The following GALNT6 variants were observed in gnomAD, a reference collection of about 807,000 sequenced individuals.
GALNT6 encodes polypeptide N-acetylgalactosaminyltransferase 6, also known as GalNAc transferase 6.
A neutral mutation model predicts 65.9 loss-of-function variants in GALNT6; 51 were observed. The observed-to-expected ratio is 0.77, with a 90% CI of 0.62 to 0.98. GALNT6 has a LOEUF of 0.98. Among genes scored for constraint, GALNT6 ranks in the 50% least tolerant of loss-of-function variants. The pLI is 0.00. For synonymous variants in GALNT6, 323 were observed against 315.1 expected (o/e 1.02, Z -0.26); for missense variants, 708 against 803.3 (o/e 0.88, Z 1.43).
intron 4 of GALNT6, among the ~76,000 whole-genome samples, chr12:51,375,271 C>T (rs1485109213): frequency 6.6e-6 from 1 of 152,154 alleles, no homozygotes; most frequent in Non-Finnish European, 1.5e-5. Context: ...TAGGACTGTG[C>T]TTATGCCATT....
chr12:51,377,164 G>A (rs372701644), intron 4 of GALNT6, 31 bp downstream of exon 4: 16 of 1,604,698 alleles, frequency 1.0e-5, no homozygotes, highest in African/African-American at 5.4e-5. Flanking sequence ...GGGAGACCCC[G>A]GCCCCCTCCT....
rs11341 is a variant in GALNT6, at chr12:51,352,038, T to G, written c.*2341A>C. On this transcript the variant is annotated 3_prime_UTR_variant, in exon 12 of 12. Transcript: ENST00000356317. The stretch of plus-strand genomic sequence containing the variant: ...AGGCTCCAGAAGGCTCTCAGGGATG[T>G]AGGCGGCCTCCCGCAGGGTTGAGTT... 2.6e-5 allele frequency: 4 copies of G among 152,144 alleles called. No homozygotes were observed. Among genetic ancestry groups the G allele is most frequent in the Non-Finnish European group, 5.9e-5 (4 of 68,070 alleles). The allele number at this position is 152,144 out of a possible 1,614,324, so 9.4% of individuals were successfully genotyped here. A position where few individuals can be genotyped will look rare whatever the true frequency, so the allele number is the denominator to read the frequency against.
intron 10 of GALNT6, among the ~76,000 whole-genome samples, chr12:51,356,901 C>G (rs759977997): frequency 6.6e-6 from 1 of 152,186 alleles, no homozygotes; most frequent in Non-Finnish European, 1.5e-5. Context: ...CACACCACTC[C>G]TTTCCCCACT....
At chr12:51,390,369 G>A (rs1486069995) in intron 2 of GALNT6, among the ~76,000 whole-genome samples, 8 of 151,880 alleles carry the variant, frequency 5.3e-5, no homozygotes, top group African/African-American at 1.5e-4. Flanking sequence ...TTGCCATGTT[G>A]GCCAGGCTGG....
intron 3 of GALNT6, among the ~76,000 whole-genome samples, chr12:51,379,079 G>T (rs1256588454): frequency 6.6e-6 from 1 of 152,190 alleles, no homozygotes; most frequent in Non-Finnish European, 1.5e-5. Flanking sequence ...GGTCTCCCTG[G>T]GCCTCTGGCC....
chr12:51,355,758 C>T (rs1325167454), intron 11 of GALNT6, 48 bp downstream of exon 11: 28 of 1,589,456 alleles, frequency 1.8e-5, no homozygotes, highest in Non-Finnish European at 2.2e-5. Context: ...TGAGCCACCA[C>T]ACCTGGCCTC....
In GALNT6 at chr12:51,357,379, C is replaced by A; in HGVS notation, c.1572G>T (p.Met524Ile). ...TGCCGCCAAGGCCGTGGCAGGAGTA[C>A]ATGATGAGGGGCTTCCCCCCGCGGT... is the stretch of plus-strand genomic sequence containing the variant. ...ENNRGGKPLI[M>I]YSCHGLGGNQ... Residue 524 changes from methionine (M) to isoleucine (I), a missense_variant, in exon 10 of 12, where the codon ATG becomes ATT. By Grantham distance (10) the Met-to-Ile change is conservative. Coordinates refer to ENST00000356317, the MANE Select transcript of GALNT6 (RefSeq NM_007210.4). 1 of 1,613,878 alleles carries A rather than the reference C, an allele frequency of 6.2e-7. No individual in the cohort carries two copies. The highest frequency in any genetic ancestry group is 8.5e-7 in the Non-Finnish European group (1 of 1,179,774).
In GALNT6 at chr12:51,365,413, G is replaced by C; in HGVS notation, c.814+17C>G. 1 of 1,600,606 alleles carries C rather than the reference G, an allele frequency of 6.2e-7. No individual in the cohort carries two copies. Among genetic ancestry groups the C allele is most frequent in the Non-Finnish European group, 8.5e-7 (1 of 1,171,894 alleles). ...GGAGCCTCCAGGTTACACCCAGGCC[G>C]GTGCCCTGGTACTCACAGTGGGCAT... On this transcript the variant is annotated intron_variant, in intron 5 of 11. Coordinates refer to ENST00000356317, the MANE Select transcript of GALNT6 (RefSeq NM_007210.4).
chr12:51,372,273 A>G (rs1036491435), intron 4 of GALNT6, among the ~76,000 whole-genome samples: 12 of 152,140 alleles, frequency 7.9e-5, no homozygotes, highest in Admixed American at 5.2e-4. Context: ...CAGTGGCATG[A>G]TCAGGGCTCA....
chr12:51,379,798 G>T lies in GALNT6; in HGVS notation c.-17C>A, dbSNP rs1483345048. ...GAGCCTCATCCTCCAGAACCAAGGG[G>T]CACCCCAGCTGCGTCAGCTCTGAGT... On this transcript the variant is annotated 5_prime_UTR_variant, in exon 3 of 12. An upstream open reading frame in the 5' UTR gains an earlier in-frame stop. Coordinates refer to ENST00000356317, the MANE Select transcript of GALNT6 (RefSeq NM_007210.4). 2.5e-6 allele frequency: 4 copies of T among 1,590,778 alleles called. No homozygotes were observed. The Admixed American group carries it at 6.8e-5, about 27-fold the overall frequency.
chr12:51,368,017 A>AT lies in GALNT6; in HGVS notation c.665-2439dup, dbSNP rs200864181. Among the ~76,000 whole-genome samples the AT allele has an allele frequency of 4.6e-3, 665 of 146,130 alleles. 3 individuals are homozygous for AT. The highest frequency in any genetic ancestry group is 0.01 in the African/African-American group (421 of 40,140). ...CCTCCAGGGGAAGTGAGGCCATGGA[A>AT]TTTTTTTTTTTTTTAATTTTTTAAT... On this transcript the variant is annotated intron_variant, in intron 4 of 11. Coordinates refer to ENST00000356317, the MANE Select transcript of GALNT6 (RefSeq NM_007210.4).
chr12:51,359,280 T>A lies in GALNT6; in HGVS notation c.1220A>T (p.His407Leu). 1.2e-6 allele frequency: 2 copies of A among 1,614,050 alleles called. No individual in the cohort carries two copies. Among genetic ancestry groups the A allele is most frequent in the Non-Finnish European group, 1.7e-6 (2 of 1,179,966 alleles). Residue 407 changes from histidine (H) to leucine (L), a missense_variant, in exon 8 of 12, where the codon CAT becomes CTT. Transcript: ENST00000356317. ...LEIIPCSVVG[H>L]VFRTKSPHTF... ...GTGGGGGCTCTTGGTCCGGAACACATGGCCTACGACAGAGCAGGGGATGAT... is the reference window on the plus strand; with the variant it reads ...GTGGGGGCTCTTGGTCCGGAACACAAGGCCTACGACAGAGCAGGGGATGAT...
chr12:51,376,830 G>A (rs1371605806), intron 4 of GALNT6, among the ~76,000 whole-genome samples: 2 of 152,148 alleles, frequency 1.3e-5, no homozygotes, highest in African/African-American at 4.8e-5. Context: ...ATGGCAAAAA[G>A]GGCTGGTTGG....
chr12:51,377,601 G>A (rs1947507176), intron 3 of GALNT6, among the ~76,000 whole-genome samples: 1 of 152,104 alleles, frequency 6.6e-6, no homozygotes. Context: ...CATCCCCACA[G>A]AGCTGGCTCA....
Position 51,379,628 on chromosome 12 carries a change from G to A in GALNT6, c.154C>T (p.His52Tyr), listed in dbSNP as rs767636393. 3.7e-6 allele frequency: 6 copies of A among 1,614,140 alleles called. No individual in the cohort carries two copies. In the South Asian group the frequency reaches 6.6e-5, roughly 18 times the overall value. The part of the protein sequence containing the change: ...WLKSLVSRKD[H>Y]VLDLMLEAMN... ...GCCTCCAGCATGAGGTCCAGGACGTGATCCTTCCGGCTCACCAGGGACTTC... is the reference window on the plus strand; with the variant it reads ...GCCTCCAGCATGAGGTCCAGGACGTAATCCTTCCGGCTCACCAGGGACTTC... The change falls in exon 3 of 12, where the codon CAC becomes TAC. Residue 52 changes from histidine (H) to tyrosine (Y), a missense_variant. Coordinates refer to ENST00000356317, the MANE Select transcript of GALNT6 (RefSeq NM_007210.4).
In GALNT6 at chr12:51,364,341, C is replaced by T. The variant is rs771951524; in HGVS notation, c.829G>A (p.Gly277Ser). Residue 277 changes from glycine to serine, a missense_variant, in exon 6 of 12, where the codon GGC becomes AGC. Physicochemically the swap from Gly to Ser is moderately conservative, Grantham distance 56 (BLOSUM62 0). Coordinates refer to ENST00000356317, the MANE Select transcript of GALNT6 (RefSeq NM_007210.4). ...FLDAHCECFHGWLEPLLARIA... is the reference protein window; with the variant it reads ...FLDAHCECFHSWLEPLLARIA... ...CGAGCCAGGAGGGGCTCCAGCCAGC[C>T]GTGGAAGCACTCACCTGCAGGCCCC... 3.4e-5 allele frequency: 55 copies of T among 1,613,774 alleles called. No homozygotes were observed. The highest frequency in any genetic ancestry group is 4.3e-5 in the Non-Finnish European group (51 of 1,179,754).
rs769787430 is a variant in GALNT6, at chr12:51,365,511, C to T, written c.733G>A (p.Glu245Lys). Residue 245 changes from glutamate (E) to lysine (K), a missense_variant, in exon 5 of 12, where the codon GAG becomes AAG. Coordinates refer to ENST00000356317, the MANE Select transcript of GALNT6 (RefSeq NM_007210.4). ...LQVVRVVRQE[E>K]RKGLITARLL... ...CGGGCGGTGATCAGCCCCTTCCGCT[C>T]CTCCTGCCGCACCACCCTCACCACC... 1.9e-6 allele frequency: 3 copies of T among 1,612,822 alleles called. No individual in the cohort carries two copies. Among genetic ancestry groups the T allele is most frequent in the African/African-American group, 2.7e-5 (2 of 75,030 alleles).
chr12:51,365,756 G>C (rs1947081641), intron 4 of GALNT6, among the ~76,000 whole-genome samples, 177 bp from the exon 5 acceptor site: 1 of 152,218 alleles, frequency 6.6e-6, no homozygotes, highest in Admixed American at 6.5e-5. Context: ...TAACAGGGAA[G>C]ATGGGGAGAG....
At position 51,387,297 on chromosome 12, in the gene GALNT6, G is replaced by A. The variant is rs914455696; in HGVS notation, c.-104+3553C>T. 3.8e-4 allele frequency among the ~76,000 whole-genome samples: 58 copies of A among 151,986 alleles called. No individual in the cohort carries two copies. The highest frequency in any genetic ancestry group is 1.3e-3 in the African/African-American group (54 of 41,378). On this transcript the variant is annotated intron_variant, in intron 2 of 11. Transcript: ENST00000356317. The surrounding 1 kb of genome is among the most constrained non-coding windows in gnomAD (Gnocchi z 4.2). The stretch of plus-strand genomic sequence containing the variant: ...ATTTTTTTAGTAGAGACAGTGTTTC[G>A]CCATGTTGGCCAGGCTAGTCTTGAA...
Sources: gnomAD v4.1 joint callset for allele counts (sites outside exome capture counted in the v4.1 genomes callset) on GRCh38, gnomAD v4.1.1 for gene constraint, Gnocchi (gnomAD v3.1) non-coding constraint, MANE v1.5 for transcripts, NCBI Gene and HGNC (gene_info 2026-07-23, HGNC 2026-07-21) for gene names.